Variants in SLC5A8 observed in about 807,000 individuals in gnomAD.
SLC5A8 encodes the protein solute carrier family 5 member 8, also known as sodium-coupled monocarboxylate transporter 1.
SLC5A8 carries 55 observed loss-of-function variants against 71.9 expected under a neutral mutation model. The ratio of observed to expected loss-of-function variants is 0.77; its 90% CI spans 0.62 to 0.96. The LOEUF is 0.96. SLC5A8 is among the 40% of genes least tolerant of loss of function. The pLI is 0.00. For synonymous variants in SLC5A8, 307 were observed against 276.1 expected (o/e 1.11, Z -1.11); for missense variants, 701 against 745.3 (o/e 0.94, Z 0.69).
intron 1 of SLC5A8, among the ~76,000 whole-genome samples, chr12:101,208,141 T>A (rs894635455): frequency 1.3e-5 from 2 of 152,008 alleles, no homozygotes; most frequent in African/African-American, 4.8e-5. Flanking sequence ...GTCTGGGGAA[T>A]TTCGCCAGTT....
intron 9 of SLC5A8, among the ~76,000 whole-genome samples, chr12:101,180,724 AT>A (rs372493642): frequency 0.011 from 1,692 of 151,602 alleles, 19 homozygotes; most frequent in South Asian, 0.036. Flanking sequence ...CTTTAAAAAA[AT>A]TTTTTTTTCA....
intron 7 of SLC5A8, among the ~76,000 whole-genome samples, chr12:101,184,991 C>A (rs1356487439): frequency 6.6e-6 from 1 of 152,160 alleles, no homozygotes; most frequent in Non-Finnish European, 1.5e-5. Flanking sequence ...CGAAGAGTGT[C>A]CTCTCATTTG....
In SLC5A8 at chr12:101,204,589, C is replaced by A. The variant is rs369727763; in HGVS notation, c.352-24G>T. The A allele has an allele frequency of 9.9e-6, 15 of 1,522,586 alleles. No individual in the cohort carries two copies. In the African/African-American group the frequency reaches 1.8e-4, roughly 19 times the overall value. 94.3% of individuals were successfully genotyped at this position (1,522,586 alleles called of 1,614,324 possible). On this transcript the variant is annotated intron_variant, in intron 1 of 14. Transcript: ENST00000536262. The stretch of plus-strand genomic sequence containing the variant: ...TACTGTTGCAAAAAAAAAAATTATG[C>A]GAATCCTCTGGATGCCTTTTTTAAA...
intron 12 of SLC5A8, among the ~76,000 whole-genome samples, chr12:101,165,916 G>T (rs1439568502): frequency 6.6e-6 from 1 of 152,096 alleles, no homozygotes; most frequent in Non-Finnish European, 1.5e-5. Context: ...GTACAATAAA[G>T]CATGCCTCTA....
At chr12:101,179,685 T>A (rs542684162) in intron 10 of SLC5A8, among the ~76,000 whole-genome samples, 1 of 152,310 alleles carries the variant, frequency 6.6e-6, no homozygotes, top group African/African-American at 2.4e-5. Flanking sequence ...CAGCAAGGAT[T>A]CTTGTAGTGA....
At chr12:101,179,286 C>A (rs1351605870) in intron 10 of SLC5A8, among the ~76,000 whole-genome samples, 3 of 152,180 alleles carry the variant, frequency 2.0e-5, no homozygotes, top group Admixed American at 6.5e-5. Context: ...CTGACAGTTG[C>A]ACTCCTGGGT....
chr12:101,195,438 ACTC>A (rs571390961), intron 3 of SLC5A8, among the ~76,000 whole-genome samples: 2 of 152,160 alleles, frequency 1.3e-5, no homozygotes, highest in Admixed American at 6.5e-5. Flanking sequence ...AAGCTAAGAA[ACTC>A]CTTGATACTG....
intron 2 of SLC5A8, 115 bp downstream of exon 2, chr12:101,204,385 T>C: frequency 1.1e-6 from 1 of 893,538 alleles, no homozygotes; most frequent in Admixed American, 2.7e-5. Flanking sequence ...TGTTCCCTCA[T>C]TTTTTCAACA....
intron 10 of SLC5A8, 79 bp from the exon 11 acceptor site, chr12:101,168,261 A>G (rs2051792961): frequency 7.3e-7 from 1 of 1,366,594 alleles, no homozygotes; most frequent in East Asian, 2.6e-5. Context: ...CATCAGGATA[A>G]TGACTTAAAG....
intron 10 of SLC5A8, among the ~76,000 whole-genome samples, chr12:101,177,693 A>T (rs191922838): frequency 6.7e-4 from 102 of 152,300 alleles, no homozygotes; most frequent in Middle Eastern, 6.8e-3. Context: ...AAAGAAGAAG[A>T]TCACATGATC....
chr12:101,175,411 C>T (rs1270873683), intron 10 of SLC5A8, among the ~76,000 whole-genome samples: 1 of 152,000 alleles, frequency 6.6e-6, no homozygotes, highest in Non-Finnish European at 1.5e-5. Context: ...GAATTAATGT[C>T]TGAACTTCTC....
chr12:101,195,032 T>A, intron 4 of SLC5A8, 63 bp downstream of exon 4: 1 of 1,545,180 alleles, frequency 6.5e-7, no homozygotes, highest in Non-Finnish European at 8.9e-7. Flanking sequence ...ATACAACAAC[T>A]GGAATTTTCA....
At chr12:101,198,058 C>T (rs1869268469) in intron 3 of SLC5A8, among the ~76,000 whole-genome samples, 1 of 151,784 alleles carries the variant, frequency 6.6e-6, no homozygotes, top group Admixed American at 6.6e-5. Context: ...GAAAATTAAG[C>T]AATACACTTA....
rs576600232 is a variant in SLC5A8, at chr12:101,187,655, C to T, written c.834-140G>A. 3 of 915,246 alleles carry T rather than the reference C, an allele frequency of 3.3e-6. No homozygotes were observed. In the African/African-American group the frequency reaches 5.1e-5, roughly 16 times the overall value. The allele number at this position is 915,246 out of a possible 1,614,324, so 56.7% of individuals were successfully genotyped here. On this transcript the variant is annotated intron_variant, in intron 6 of 14. Coordinates refer to ENST00000536262, the MANE Select transcript of SLC5A8 (RefSeq NM_145913.5). ...TATCTTTTGATTATCGAAAACTCTACTTATTTTATTCTAGCCTAATATTCT... is the reference window on the plus strand; with the variant it reads ...TATCTTTTGATTATCGAAAACTCTATTTATTTTATTCTAGCCTAATATTCT...
intron 10 of SLC5A8, among the ~76,000 whole-genome samples, 166 bp downstream of exon 10, chr12:101,179,863 C>CA (rs1367168279): frequency 8.5e-5 from 13 of 152,058 alleles, no homozygotes; most frequent in African/African-American, 3.1e-4. Flanking sequence ...ACAATTATCT[C>CA]AAAACACAAA....
chr12:101,197,753 A>G (rs1869249528), intron 3 of SLC5A8, among the ~76,000 whole-genome samples: 1 of 152,126 alleles, frequency 6.6e-6, no homozygotes, highest in Admixed American at 6.5e-5. Context: ...TGGAGATTTT[A>G]GCATCCTTCT....
chr12:101,194,434 T>C (rs759018418), intron 4 of SLC5A8, among the ~76,000 whole-genome samples: 1 of 152,192 alleles, frequency 6.6e-6, no homozygotes, highest in African/African-American at 2.4e-5. Context: ...GCATATTTTG[T>C]CACCCCTACC....
rs1293309735 is a variant in SLC5A8 at position 101,209,942 on chromosome 12, G to T, written c.-94C>A. On this transcript the variant is annotated 5_prime_UTR_variant, in exon 1 of 15. Transcript: ENST00000536262. ...GCACTTCTTATCCCGGATCCCTGGCGCGCAGGCGTGGCGTCCCGCGGGGAC... is the reference window on the plus strand; with the variant it reads ...GCACTTCTTATCCCGGATCCCTGGCTCGCAGGCGTGGCGTCCCGCGGGGAC... 1.1e-5 allele frequency: 13 copies of T among 1,201,868 alleles called. No individual in the cohort carries two copies. In the South Asian group the frequency reaches 1.7e-4, roughly 15 times the overall value. The allele number at this position is 1,201,868 out of a possible 1,614,324, so 74.5% of individuals were successfully genotyped here.
rs761926075 is a variant in SLC5A8, at chr12:101,166,554, A to G, written c.1466T>C (p.Leu489Ser). The G allele has an allele frequency of 6.2e-7, 1 of 1,614,014 alleles. No homozygotes were observed. The highest frequency in any genetic ancestry group is 1.1e-5 in the South Asian group (1 of 91,062). Residue 489 changes from leucine to serine, a missense_variant, in exon 12 of 15, where the codon TTG becomes TCG. Leu to Ser is a moderately radical substitution (Grantham distance 145). Coordinates refer to ENST00000536262, the MANE Select transcript of SLC5A8 (RefSeq NM_145913.5). ...GCNSTYNETNLMTTTEMPFTT... is the reference protein window; with the variant it reads ...GCNSTYNETNSMTTTEMPFTT... Reference sequence around the variant, plus strand: ...AAATGGCATTTCTGTGGTTGTCATCAAATTTGTCTCATTGTAGGTGCTGTT... The same window carrying G: ...AAATGGCATTTCTGTGGTTGTCATCGAATTTGTCTCATTGTAGGTGCTGTT...
Sources: gnomAD v4.1 joint callset for allele counts (sites outside exome capture counted in the v4.1 genomes callset) on GRCh38, gnomAD v4.1.1 for gene constraint, MANE v1.5 for transcripts, NCBI Gene and HGNC (gene_info 2026-07-23, HGNC 2026-07-21) for gene names.